ENTHD1: variants seen among roughly 807,000 people sequenced by gnomAD.
ENTHD1 encodes ENTH domain-containing protein 1.
ENTHD1 carries 23 observed loss-of-function variants against 39.1 expected under a neutral mutation model. The ratio of observed to expected loss-of-function variants is 0.59; its 90% CI spans 0.42 to 0.83. The LOEUF is 0.83. Among genes scored for constraint, ENTHD1 ranks in the 40% least tolerant of loss-of-function variants. The pLI is 0.00. For missense variants in ENTHD1, 624 were observed against 705.4 expected (o/e 0.88, Z 1.31); for synonymous variants, 230 against 258.2 (o/e 0.89, Z 1.05).
At chr22:39,776,943 A>C (rs2065369885) in intron 5 of ENTHD1, among the ~76,000 whole-genome samples, 1 of 152,160 alleles carries the variant, frequency 6.6e-6, no homozygotes, top group African/African-American at 2.4e-5. Context: ...CATTATTGTG[A>C]ATCTTAGTAG....
Position 39,808,686 on chromosome 22 carries a change from T to A in ENTHD1, c.832+12307A>T, listed in dbSNP as rs942250109. Among the ~76,000 whole-genome samples, 4 of 152,316 alleles carry A rather than the reference T, an allele frequency of 2.6e-5. No individual in the cohort carries two copies. The East Asian group carries it at 7.7e-4, about 29-fold the overall frequency. On this transcript the variant is annotated intron_variant, in intron 5 of 6. Transcript: ENST00000325157. ...GGCTTCTTGACCTAAAATTCATAAA[T>A]AGTTCAAAAGTCAGTGTCTCTTAAT...
chr22:39,761,974 G>A (rs2065236944), intron 6 of ENTHD1, among the ~76,000 whole-genome samples: 1 of 152,048 alleles, frequency 6.6e-6, no homozygotes, highest in African/African-American at 2.4e-5. Context: ...TTCTTCAAAT[G>A]CCTAGTGATT....
chr22:39,888,256 CT>C (rs1480308536), intron 1 of ENTHD1, among the ~76,000 whole-genome samples: 12 of 128,524 alleles, frequency 9.3e-5, no homozygotes, highest in African/African-American at 3.6e-4. Flanking sequence ...TTCTTTCTTT[CT>C]TTCTTTTTTT....
intron 2 of ENTHD1, among the ~76,000 whole-genome samples, chr22:39,881,163 C>T (rs1019146144): frequency 2.6e-5 from 4 of 152,188 alleles, no homozygotes; most frequent in Admixed American, 1.3e-4. Context: ...TATTTTTAAA[C>T]GCTACGTTAG....
chr22:39,755,872 C>T (rs571894932), intron 6 of ENTHD1, among the ~76,000 whole-genome samples: 3 of 152,278 alleles, frequency 2.0e-5, no homozygotes, highest in Non-Finnish European at 2.9e-5. Flanking sequence ...TATCTTTGTT[C>T]TATAGATGAA....
intron 4 of ENTHD1, among the ~76,000 whole-genome samples, chr22:39,829,360 C>T (rs28726368): frequency 6.8e-6 from 1 of 146,682 alleles, no homozygotes; most frequent in African/African-American, 2.5e-5. Flanking sequence ...CAATAGTAAT[C>T]AGGATTTAAA....
intron 5 of ENTHD1, among the ~76,000 whole-genome samples, chr22:39,779,045 G>A (rs1265896909): frequency 1.3e-5 from 2 of 152,208 alleles, no homozygotes; most frequent in African/African-American, 2.4e-5. Flanking sequence ...CAGGCCAGGT[G>A]TGGTGGCTTA....
intron 6 of ENTHD1, chr22:39,751,407 T>C (rs777800391): frequency 3.3e-5 from 5 of 152,662 alleles, no homozygotes; most frequent in Non-Finnish European, 7.3e-5. Flanking sequence ...CATACTGCAA[T>C]GTATTAGTGG....
At chr22:39,877,327 T>C (rs2066299853) in intron 2 of ENTHD1, among the ~76,000 whole-genome samples, 1 of 152,126 alleles carries the variant, frequency 6.6e-6, no homozygotes, top group African/African-American at 2.4e-5. Flanking sequence ...AAAAAAAGGA[T>C]AAACCTGACT....
At chr22:39,797,833 G>A (rs2065563309) in intron 5 of ENTHD1, among the ~76,000 whole-genome samples, 1 of 152,138 alleles carries the variant, frequency 6.6e-6, no homozygotes, top group African/African-American at 2.4e-5. Flanking sequence ...ACCCTCATAT[G>A]TGACTAGATG....
At chr22:39,870,269 A>C (rs1249799029) in intron 2 of ENTHD1, among the ~76,000 whole-genome samples, 1 of 150,620 alleles carries the variant, frequency 6.6e-6, no homozygotes, top group Non-Finnish European at 1.5e-5. Context: ...TTGACCTCCC[A>C]AAGTGATGGG....
chr22:39,891,902 G>A (rs921426468), intron 1 of ENTHD1, among the ~76,000 whole-genome samples: 1 of 152,002 alleles, frequency 6.6e-6, no homozygotes, highest in Non-Finnish European at 1.5e-5. Context: ...TTACAGGTGT[G>A]AGCCACCGTG....
At chr22:39,850,181 A>G (rs1418958964) in intron 3 of ENTHD1, among the ~76,000 whole-genome samples, 2 of 152,206 alleles carry the variant, frequency 1.3e-5, no homozygotes. Context: ...GAAATTATCT[A>G]CTATGATGGT....
At chr22:39,765,090 T>C in intron 6 of ENTHD1, 133 bp downstream of exon 6, 1 of 1,374,178 alleles carries the variant, frequency 7.3e-7, no homozygotes, top group Admixed American at 2.9e-5. Context: ...CATTTTAATA[T>C]CAATGATGAA....
chr22:39,797,131 T>A (rs974502979), intron 5 of ENTHD1, among the ~76,000 whole-genome samples: 1 of 152,254 alleles, frequency 6.6e-6, no homozygotes, highest in African/African-American at 2.4e-5. Context: ...TGTCTCTTTT[T>A]ACTGTTTTTG....
At chr22:39,878,486 T>TA (rs151010409) in intron 2 of ENTHD1, among the ~76,000 whole-genome samples, 5,825 of 149,014 alleles carry the variant, frequency 0.039, 373 homozygotes, top group African/African-American at 0.14. Context: ...TAAATGGAAA[T>TA]TTTTTTTTCA....
At chr22:39,787,345 C>T (rs1424712412) in intron 5 of ENTHD1, among the ~76,000 whole-genome samples, 1 of 152,028 alleles carries the variant, frequency 6.6e-6, no homozygotes, top group Non-Finnish European at 1.5e-5. Context: ...ACAGTGGTCT[C>T]TAAGTATTCA....
chr22:39,773,117 CAAAAAAAAAAAAAAA>C lies in ENTHD1; in HGVS notation c.833-7523_833-7509del, dbSNP rs57398699. Among the ~76,000 whole-genome samples the C allele has an allele frequency of 1.4e-4, 5 of 36,100 alleles. No homozygotes were observed. The East Asian group carries it at 3.7e-3, about 26-fold the overall frequency. 23.7% of individuals were successfully genotyped at this position (36,100 alleles called of 152,430 possible). On this transcript the variant is annotated intron_variant, in intron 5 of 6. Coordinates refer to ENST00000325157, the MANE Select transcript of ENTHD1 (RefSeq NM_152512.4). ...TGGGCAACATAGTGAGACCTCATCT[CAAAAAAAAAAAAAAA>C]AAAAAAAAAAAAAAGAACCTCAAGA...
At chr22:39,831,846 C>A (rs990037122) in intron 4 of ENTHD1, among the ~76,000 whole-genome samples, 19 of 151,906 alleles carry the variant, frequency 1.3e-4, no homozygotes, top group Non-Finnish European at 2.4e-4. Context: ...AACAAACAAA[C>A]AAAATATATA....
Sources: allele counts gnomAD v4.1 joint callset (sites outside exome capture counted in the v4.1 genomes callset), GRCh38; gene constraint gnomAD v4.1.1; transcripts MANE v1.5; gene names NCBI Gene and HGNC (gene_info 2026-07-23, HGNC 2026-07-21).